Variants in KSR2 observed in about 807,000 individuals in gnomAD.
KSR2 encodes kinase suppressor of ras 2.
In KSR2, 25 loss-of-function variants were observed where a neutral mutation model predicts 107.8. The observed-to-expected ratio is 0.23, with a 90% CI of 0.17 to 0.32. KSR2 has a LOEUF of 0.32. Among genes scored for constraint, KSR2 ranks in the 10% least tolerant of loss-of-function variants. KSR2 has a pLI of 1.00. For missense variants in KSR2, 887 were observed against 1,268.9 expected, an observed-to-expected ratio of 0.70 and a Z score of 4.57; for synonymous variants, 480 against 507.0, an observed-to-expected ratio of 0.95 and a Z score of 0.71.
At chr12:117,777,278 A>G (rs1189411082) in intron 3 of KSR2, among the ~76,000 whole-genome samples, 1 of 151,686 alleles carries the variant, frequency 6.6e-6, no homozygotes, top group Non-Finnish European at 1.5e-5. Flanking sequence ...TATTTTCTCC[A>G]TAAGGCACAG....
intron 4 of KSR2, among the ~76,000 whole-genome samples, chr12:117,708,127 T>C (rs1886602418): frequency 6.6e-6 from 1 of 152,240 alleles, no homozygotes; most frequent in African/African-American, 2.4e-5. Context: ...CAAATCATTC[T>C]TGAGCGTTTC....
intron 5 of KSR2, among the ~76,000 whole-genome samples, chr12:117,625,337 G>T (rs1417433499): frequency 6.6e-6 from 1 of 152,140 alleles, no homozygotes; most frequent in Non-Finnish European, 1.5e-5. Context: ...TTGGCTGTGG[G>T]TTTGTCATAA....
intron 14 of KSR2, among the ~76,000 whole-genome samples, chr12:117,488,376 G>A (rs1023938162): frequency 2.6e-5 from 4 of 152,184 alleles, no homozygotes; most frequent in East Asian, 1.9e-4. Context: ...CAACCTATCT[G>A]TTGAAATCCC....
chr12:117,673,167 A>G (rs917784390), intron 4 of KSR2, among the ~76,000 whole-genome samples: 20 of 152,278 alleles, frequency 1.3e-4, no homozygotes, highest in African/African-American at 4.8e-4. Flanking sequence ...CCACAGATGG[A>G]GGGGAGAAGG....
chr12:117,840,100 A>T (rs866782393), intron 3 of KSR2, among the ~76,000 whole-genome samples: 9 of 133,114 alleles, frequency 6.8e-5, no homozygotes, highest in South Asian at 4.6e-4. Context: ...ACTTTATTTT[A>T]TTTTATTTTT....
intron 9 of KSR2, among the ~76,000 whole-genome samples, chr12:117,544,348 G>T (rs537849485): frequency 6.6e-6 from 1 of 152,138 alleles, no homozygotes; most frequent in Non-Finnish European, 1.5e-5. Flanking sequence ...GGCCAGGCAC[G>T]GTGGCTTGCG....
rs148430142 is a variant in KSR2 at position 117,615,880 on chromosome 12, C to T, written c.1172-33521G>A. The stretch of plus-strand genomic sequence containing the variant: ...ATAATTTGTTATGCAGCAGATAATA[C>T]ATACAGATTTTAAACAGATCCCAGC... On this transcript the variant is annotated intron_variant, in intron 5 of 19. Coordinates refer to ENST00000339824, the MANE Select transcript of KSR2 (RefSeq NM_173598.6). Among the ~76,000 whole-genome samples the T allele has an allele frequency of 7.2e-3, 1,094 of 152,218 alleles. 6 individuals are homozygous for T. Among genetic ancestry groups the T allele is most frequent in the Middle Eastern group, 0.044 (13 of 294 alleles).
intron 5 of KSR2, among the ~76,000 whole-genome samples, chr12:117,586,208 C>T (rs919839683): frequency 3.3e-5 from 5 of 151,672 alleles, no homozygotes; most frequent in South Asian, 4.2e-4. Flanking sequence ...GGGAAAAATA[C>T]GTGAGGATAT....
chr12:117,647,312 G>A (rs1456142971), intron 5 of KSR2, among the ~76,000 whole-genome samples: 1 of 152,216 alleles, frequency 6.6e-6, no homozygotes, highest in East Asian at 1.9e-4. Flanking sequence ...CAACAGAGCA[G>A]CATGGGACAC....
At chr12:117,921,042 C>A (rs1037306825) in intron 1 of KSR2, among the ~76,000 whole-genome samples, 1 of 152,154 alleles carries the variant, frequency 6.6e-6, no homozygotes, top group Non-Finnish European at 1.5e-5. Context: ...GGTTCAGAGA[C>A]CCCAGCACCT....
At chr12:117,534,220 A>G (rs1408353488) in intron 10 of KSR2, among the ~76,000 whole-genome samples, 1 of 152,192 alleles carries the variant, frequency 6.6e-6, no homozygotes, top group African/African-American at 2.4e-5. Context: ...GAAGGAAGAA[A>G]GGTCAAGTCA....
At chr12:117,859,425 G>A (rs1480079821) in intron 2 of KSR2, among the ~76,000 whole-genome samples, 18 of 150,360 alleles carry the variant, frequency 1.2e-4, no homozygotes, top group African/African-American at 3.4e-4. Flanking sequence ...GAGCCACCGC[G>A]CCTGGCCTGT....
At chr12:117,881,390 T>A (rs528359865) in intron 1 of KSR2, among the ~76,000 whole-genome samples, 1 of 152,258 alleles carries the variant, frequency 6.6e-6, no homozygotes, top group South Asian at 2.1e-4. Context: ...TACCTAGAGA[T>A]GAGGTGTTGT....
intron 5 of KSR2, among the ~76,000 whole-genome samples, chr12:117,587,441 G>C (rs1452526347): frequency 6.6e-6 from 1 of 152,088 alleles, no homozygotes; most frequent in Non-Finnish European, 1.5e-5. Context: ...CACATAACTA[G>C]AAAAGGCGAG....
At chr12:117,809,533 G>C (rs1385956704) in intron 3 of KSR2, among the ~76,000 whole-genome samples, 1 of 152,194 alleles carries the variant, frequency 6.6e-6, no homozygotes, top group Non-Finnish European at 1.5e-5. Flanking sequence ...CAGCTTCTTA[G>C]AAAGTATTTT....
At chr12:117,609,193 G>T (rs1027314117) in intron 5 of KSR2, among the ~76,000 whole-genome samples, 2 of 152,158 alleles carry the variant, frequency 1.3e-5, no homozygotes, top group Non-Finnish European at 2.9e-5. Context: ...CAGCCACTTT[G>T]TTGCTGAGAG....
rs565130243 is a variant in KSR2, at chr12:117,751,052, C to T, written c.986+9959G>A. 5.1e-4 allele frequency among the ~76,000 whole-genome samples: 78 copies of T among 152,300 alleles called. 1 individual carries two copies. The South Asian group carries it at 7.7e-3, about 15-fold the overall frequency. ...TGAATTATAGTTCTCATAATCCTCA[C>T]ATGTCGTGGGATGGACCAGGTGCAG... is the stretch of plus-strand genomic sequence containing the variant. On this transcript the variant is annotated intron_variant, in intron 4 of 19. Transcript: ENST00000339824.
chr12:117,624,778 G>A (rs755221833), intron 5 of KSR2, among the ~76,000 whole-genome samples: 2 of 152,012 alleles, frequency 1.3e-5, no homozygotes, highest in Non-Finnish European at 2.9e-5. Flanking sequence ...GATGGGGATG[G>A]CATTGAATCT....
At position 117,462,070 on chromosome 12, in the gene KSR2, G is replaced by A. The variant is rs1037336547; in HGVS notation, c.*5129C>T. ...AGCTGTTGGAATTCAGTGATGGGAC[G>A]TGTTGATTGGGGCAAGCTTGGTAAG... On this transcript the variant is annotated 3_prime_UTR_variant, in exon 20 of 20. Coordinates refer to ENST00000339824, the MANE Select transcript of KSR2 (RefSeq NM_173598.6). The A allele has an allele frequency of 3.9e-5, 6 of 151,962 alleles. No homozygotes were observed. The highest frequency in any genetic ancestry group is 9.7e-5 in the African/African-American group (4 of 41,358). 9.4% of individuals were successfully genotyped at this position (151,962 alleles called of 1,614,324 possible).
Sources: allele counts gnomAD v4.1 joint callset (sites outside exome capture counted in the v4.1 genomes callset), GRCh38; gene constraint gnomAD v4.1.1; transcripts MANE v1.5; gene names NCBI Gene and HGNC (gene_info 2026-07-23, HGNC 2026-07-21).